MOCOS: variants seen among roughly 807,000 people sequenced by gnomAD.
MOCOS encodes molybdenum cofactor sulfurase, also known as human molybdenum cofactor sulfurase.
A neutral mutation model predicts 83.6 loss-of-function variants in MOCOS; 86 were observed. That is an observed-to-expected ratio of 1.03 (90% confidence interval 0.86 to 1.23). MOCOS has a LOEUF of 1.23. Among genes scored for constraint, MOCOS ranks in the 50% most tolerant of loss-of-function variants. The pLI is 0.00. For missense variants in MOCOS, 1,120 were observed against 1,126.9 expected (o/e 0.99, Z 0.09); for synonymous variants, 445 against 434.7 (o/e 1.02, Z -0.29).
chr18:36,228,677 C>T (rs1015044243), intron 9 of MOCOS, among the ~76,000 whole-genome samples: 2 of 151,978 alleles, frequency 1.3e-5, no homozygotes, highest in South Asian at 2.1e-4. Flanking sequence ...CTGAGACCTA[C>T]AGGAGGGTGG....
chr18:36,207,136 A>C (rs1332041199), intron 6 of MOCOS, among the ~76,000 whole-genome samples: 1 of 152,164 alleles, frequency 6.6e-6, no homozygotes, highest in Non-Finnish European at 1.5e-5. Flanking sequence ...TCCTGGGTTC[A>C]ATTGATTCTC....
chr18:36,224,304 G>A (rs1216866115), intron 9 of MOCOS, among the ~76,000 whole-genome samples: 1 of 151,986 alleles, frequency 6.6e-6, no homozygotes, highest in South Asian at 2.1e-4. Context: ...TAATTGCTCT[G>A]ACTAGAACTT....
At chr18:36,213,605 T>A in intron 7 of MOCOS, 123 bp downstream of exon 7, 1 of 825,894 alleles carries the variant, frequency 1.2e-6, no homozygotes, top group South Asian at 1.4e-5. Context: ...ACTCTGTGCA[T>A]GTACAAAGGA....
rs910416237 is a variant in MOCOS at position 36,269,680 on chromosome 18, G to A, written c.*995G>A. 1 of 152,326 alleles carries A rather than the reference G, an allele frequency of 6.6e-6. No homozygotes were observed. Among genetic ancestry groups the A allele is most frequent in the Non-Finnish European group, 1.5e-5 (1 of 68,126 alleles). The allele number at this position is 152,326 out of a possible 1,614,324, so 9.4% of individuals were successfully genotyped here. On this transcript the variant is annotated 3_prime_UTR_variant, in exon 15 of 15. Transcript: ENST00000261326. ...TGTCCTCTGGAGCAATGCAGAGTGA[G>A]TACATCCACTCCACATTCATTCTGC... is the stretch of plus-strand genomic sequence containing the variant.
intron 10 of MOCOS, among the ~76,000 whole-genome samples, chr18:36,249,438 C>A (rs1434717752): frequency 6.6e-6 from 1 of 152,000 alleles, no homozygotes; most frequent in Non-Finnish European, 1.5e-5. Context: ...ATCTTTAGTC[C>A]CTCCCACTAG....
intron 9 of MOCOS, among the ~76,000 whole-genome samples, chr18:36,230,431 G>T (rs1052529335): frequency 6.6e-6 from 1 of 152,076 alleles, no homozygotes; most frequent in Non-Finnish European, 1.5e-5. Flanking sequence ...AGTCTTCACC[G>T]ACTGGCCTCA....
At chr18:36,262,764 TG>T (rs1340981996) in intron 13 of MOCOS, among the ~76,000 whole-genome samples, 1 of 152,220 alleles carries the variant, frequency 6.6e-6, no homozygotes, top group Non-Finnish European at 1.5e-5. Context: ...CTCCCAGTGT[TG>T]GGATTATAGG....
intron 6 of MOCOS, among the ~76,000 whole-genome samples, chr18:36,209,486 C>G (rs2039073358): frequency 6.6e-6 from 1 of 152,144 alleles, no homozygotes; most frequent in South Asian, 2.1e-4. Flanking sequence ...TTATCCCTCC[C>G]CAATCCCACC....
intron 13 of MOCOS, among the ~76,000 whole-genome samples, chr18:36,261,586 G>T (rs947284771): frequency 1.3e-5 from 2 of 152,108 alleles, no homozygotes; most frequent in South Asian, 2.1e-4. Context: ...GAGATCTGGG[G>T]TATAGGAAAT....
intron 6 of MOCOS, among the ~76,000 whole-genome samples, chr18:36,209,902 TC>T (rs2091448027): frequency 6.6e-6 from 1 of 152,144 alleles, no homozygotes; most frequent in Non-Finnish European, 1.5e-5. Flanking sequence ...CAGGGTTTTG[TC>T]ATGTTGCCCA....
At chr18:36,219,900 C>T (rs1380473060) in intron 8 of MOCOS, among the ~76,000 whole-genome samples, 155 bp from the exon 9 acceptor site, 1 of 152,158 alleles carries the variant, frequency 6.6e-6, no homozygotes, top group Non-Finnish European at 1.5e-5. Flanking sequence ...TTGCACTGTC[C>T]TCTCTGTTTT....
chr18:36,205,326 C>T, intron 6 of MOCOS, 50 bp downstream of exon 6: 4 of 1,560,564 alleles, frequency 2.6e-6, no homozygotes, highest in Non-Finnish European at 3.5e-6. Context: ...ATCCTAGTTC[C>T]AGACGAGAGC....
At chr18:36,194,974 A>G (rs565809259) in intron 1 of MOCOS, among the ~76,000 whole-genome samples, 1 of 152,168 alleles carries the variant, frequency 6.6e-6, no homozygotes, top group Non-Finnish European at 1.5e-5. Flanking sequence ...TTCATCACGA[A>G]TGTCTGCTGG....
chr18:36,202,992 G>T (rs892628527), intron 4 of MOCOS, 121 bp from the exon 5 acceptor site: 9 of 931,976 alleles, frequency 9.7e-6, no homozygotes, highest in Non-Finnish European at 1.6e-5. Flanking sequence ...TTTAGGTGGA[G>T]ACATAAAGCC....
At chr18:36,253,039 G>A (rs992533998) in intron 11 of MOCOS, among the ~76,000 whole-genome samples, 10 of 152,106 alleles carry the variant, frequency 6.6e-5, no homozygotes, top group African/African-American at 2.4e-4. Context: ...CATTTCCAGG[G>A]GTAGAGGCAT....
chr18:36,237,899 G>A (rs2091565548), intron 9 of MOCOS, among the ~76,000 whole-genome samples: 1 of 151,482 alleles, frequency 6.6e-6, no homozygotes, highest in Admixed American at 6.6e-5. Context: ...ATTTCTTCTA[G>A]ATTTTCTAGT....
intron 5 of MOCOS, among the ~76,000 whole-genome samples, 177 bp downstream of exon 5, chr18:36,203,366 G>C (rs2091421868): frequency 6.6e-6 from 1 of 152,160 alleles, no homozygotes; most frequent in South Asian, 2.1e-4. Context: ...AGAATGAGGT[G>C]GGGTTTTTGG....
chr18:36,199,865 TGA>T lies in MOCOS; in HGVS notation c.483_484del (p.Thr162HisfsTer22). Reference sequence around the variant, plus strand: ...ACCTCCGTAGTGGGTATGCGGAACGTGACCATGGCTATAAATGTCATATCCAC... The same window carrying T: ...ACCTCCGTAGTGGGTATGCGGAACGTCCATGGCTATAAATGTCATATCCAC... On this transcript the variant is annotated frameshift_variant, in exon 4 of 15. Coordinates refer to ENST00000261326, the MANE Select transcript of MOCOS (RefSeq NM_017947.4). LOFTEE classifies it high-confidence loss of function. 1 of 1,614,030 alleles carries T rather than the reference TGA, an allele frequency of 6.2e-7. No homozygotes were observed. Among genetic ancestry groups the T allele is most frequent in the South Asian group, 1.1e-5 (1 of 91,058 alleles).
chr18:36,217,456 C>T (rs948264649), intron 8 of MOCOS, among the ~76,000 whole-genome samples: 4 of 151,980 alleles, frequency 2.6e-5, no homozygotes, highest in Admixed American at 6.6e-5. Flanking sequence ...GCTGGGCTCC[C>T]TTATGTGTGC....
Sources: allele counts gnomAD v4.1 joint callset (sites outside exome capture counted in the v4.1 genomes callset), GRCh38; gene constraint gnomAD v4.1.1; transcripts MANE v1.5; gene names NCBI Gene and HGNC (gene_info 2026-07-23, HGNC 2026-07-21).